Variants in PPA2 observed in about 807,000 individuals in gnomAD.
PPA2 encodes inorganic pyrophosphatase 2, also known as inorganic pyrophosphatase 2, mitochondrial.
A neutral mutation model predicts 49.5 loss-of-function variants in PPA2; 48 were observed. The ratio of observed to expected loss-of-function variants is 0.97; its 90% CI spans 0.77 to 1.23. The LOEUF (loss-of-function observed/expected upper bound fraction) is 1.23. Ranked by LOEUF, PPA2 falls within the 50% of genes most tolerant of loss-of-function variation. The pLI, the probability that PPA2 is intolerant of heterozygous loss-of-function variation, is 0.00. For synonymous variants in PPA2, 131 were observed against 139.9 expected, an observed-to-expected ratio of 0.94 and a Z score of 0.45; for missense variants, 429 against 410.1, an observed-to-expected ratio of 1.05 and a Z score of -0.40.
chr4:105,405,961 A>G (rs1249522167), intron 7 of PPA2: 1 of 374,576 alleles, frequency 2.7e-6, no homozygotes. Flanking sequence ...GTATCAAGAG[A>G]AAAAGCAGTT....
chr4:105,371,344 C>A, intron 10 of PPA2, among the ~76,000 whole-genome samples: 1 of 152,164 alleles, frequency 6.6e-6, no homozygotes, highest in East Asian at 1.9e-4. Flanking sequence ...TGAGAACAGA[C>A]AAGTTTGAAG....
chr4:105,460,108 A>C (rs1261297512), intron 1 of PPA2, among the ~76,000 whole-genome samples: 11 of 152,258 alleles, frequency 7.2e-5, no homozygotes, highest in Non-Finnish European at 1.2e-4. Context: ...TTAAGAAGAC[A>C]TACACAGTAA....
At position 105,446,434 on chromosome 4, in the gene PPA2, C is replaced by A; in HGVS notation, c.390G>T (p.Ala130=). 1 of 1,605,048 alleles carries A rather than the reference C, an allele frequency of 6.2e-7. No homozygotes were observed. Among genetic ancestry groups the A allele is most frequent in the Non-Finnish European group, 8.5e-7 (1 of 1,176,488 alleles). The stretch of plus-strand genomic sequence containing the variant: ...TATAACCCTTGTAAGGGAAGATATT[C>A]GCCACATAGCGTAGCTTTCCATCCT... The part of the protein sequence containing the change: ...YVKDGKLRYV[A]NIFPYKGYIW... Residue 130 remains alanine, a synonymous_variant, in exon 5 of 12, where the codon GCG becomes GCT. Coordinates refer to ENST00000341695, the MANE Select transcript of PPA2 (RefSeq NM_176869.3).
At chr4:105,459,267 T>C (rs1360142363) in intron 1 of PPA2, among the ~76,000 whole-genome samples, 3 of 151,240 alleles carry the variant, frequency 2.0e-5, no homozygotes, top group Non-Finnish European at 4.4e-5. Context: ...AGTAAAGGGA[T>C]GCACTTAAAA....
At chr4:105,427,399 T>G (rs982615467) in intron 6 of PPA2, among the ~76,000 whole-genome samples, 4 of 152,066 alleles carry the variant, frequency 2.6e-5, no homozygotes, top group Admixed American at 2.0e-4. Flanking sequence ...AACAAACTTC[T>G]CCGAGCTAGA....
chr4:105,460,699 G>T (rs1253452480), intron 1 of PPA2, among the ~76,000 whole-genome samples: 1 of 152,112 alleles, frequency 6.6e-6, no homozygotes, highest in Non-Finnish European at 1.5e-5. Context: ...AGGGAAGTTT[G>T]TTATCATGGG....
chr4:105,471,051 T>C (rs1033070009), intron 1 of PPA2, among the ~76,000 whole-genome samples: 2 of 152,238 alleles, frequency 1.3e-5, no homozygotes. Flanking sequence ...AGAACTTAAA[T>C]AGGCAAATTC....
chr4:105,401,753 C>T (rs553517816), intron 7 of PPA2, among the ~76,000 whole-genome samples: 3 of 152,248 alleles, frequency 2.0e-5, no homozygotes, highest in African/African-American at 7.2e-5. Context: ...ATTTTGATTA[C>T]AAATTAAGCT....
At chr4:105,437,910 C>A in intron 6 of PPA2, 40 bp downstream of exon 6, 3 of 1,503,242 alleles carry the variant, frequency 2.0e-6, no homozygotes, top group Admixed American at 2.2e-5. Flanking sequence ...ATGAATAAAC[C>A]AAAACTCACG....
At chr4:105,460,444 T>C (rs1723038194) in intron 1 of PPA2, among the ~76,000 whole-genome samples, 1 of 152,180 alleles carries the variant, frequency 6.6e-6, no homozygotes, top group Non-Finnish European at 1.5e-5. Flanking sequence ...CAAGGGGTTC[T>C]GGAACCAATC....
At chr4:105,407,978 A>C (rs560049915) in intron 7 of PPA2, among the ~76,000 whole-genome samples, 1 of 152,322 alleles carries the variant, frequency 6.6e-6, no homozygotes, top group Admixed American at 6.5e-5. Context: ...AATGGGGTGA[A>C]TTTGACTGGA....
intron 6 of PPA2, among the ~76,000 whole-genome samples, chr4:105,434,220 A>G (rs1225006024): frequency 6.6e-6 from 1 of 152,224 alleles, no homozygotes; most frequent in Non-Finnish European, 1.5e-5. Context: ...AGGAACAACT[A>G]GAATAAAAAG....
chr4:105,377,087 C>T (rs943539644), intron 10 of PPA2, among the ~76,000 whole-genome samples: 15 of 152,148 alleles, frequency 9.9e-5, no homozygotes, highest in African/African-American at 3.1e-4. Flanking sequence ...TCCACCTCTT[C>T]TTCCTCCCTT....
intron 5 of PPA2, among the ~76,000 whole-genome samples, chr4:105,438,445 C>T (rs1724174520): frequency 6.6e-6 from 1 of 152,164 alleles, no homozygotes. Context: ...GGTAACAGCA[C>T]ATGGATCTAA....
At chr4:105,415,094 T>G (rs376233308) in intron 7 of PPA2, among the ~76,000 whole-genome samples, 1 of 152,172 alleles carries the variant, frequency 6.6e-6, no homozygotes, top group Non-Finnish European at 1.5e-5. Context: ...GATTGGCCCA[T>G]GGGCAGCCAT....
chr4:105,381,237 C>T (rs1413411598), intron 10 of PPA2, among the ~76,000 whole-genome samples: 1 of 151,900 alleles, frequency 6.6e-6, no homozygotes, highest in Admixed American at 6.6e-5. Flanking sequence ...ACTGGGTTAT[C>T]TTTTTCTTGT....
chr4:105,370,729 C>T (rs1732989612), intron 11 of PPA2, 108 bp downstream of exon 11: 4 of 1,226,852 alleles, frequency 3.3e-6, no homozygotes, highest in Non-Finnish European at 4.2e-6. Context: ...TTAGCTTATA[C>T]AGCTTTTCAA....
intron 7 of PPA2, among the ~76,000 whole-genome samples, chr4:105,420,309 C>T (rs1415175756): frequency 3.3e-5 from 5 of 152,118 alleles, no homozygotes; most frequent in Admixed American, 6.5e-5. Flanking sequence ...AGTCACACTA[C>T]GTTGCTCAGG....
intron 1 of PPA2, chr4:105,473,409 C>A (rs1207905845): frequency 2.2e-5 from 8 of 370,984 alleles, no homozygotes; most frequent in South Asian, 1.6e-4. Flanking sequence ...CTGGATTAGG[C>A]ATCCGCAAAG....
Sources: gnomAD v4.1 joint callset for allele counts (sites outside exome capture counted in the v4.1 genomes callset) on GRCh38, gnomAD v4.1.1 for gene constraint, MANE v1.5 for transcripts, NCBI Gene and HGNC (gene_info 2026-07-23, HGNC 2026-07-21) for gene names.